The following ANKAR variants were observed in gnomAD, a reference collection of about 807,000 sequenced individuals.
The protein encoded by ANKAR is ankyrin and armadillo repeat-containing protein.
A neutral mutation model predicts 146.2 loss-of-function variants in ANKAR; 136 were observed. That is an observed-to-expected ratio of 0.93 (90% confidence interval 0.81 to 1.07). ANKAR has a LOEUF of 1.07. Among genes scored for constraint, ANKAR ranks in the 50% least tolerant of loss-of-function variants. The probability of loss-of-function intolerance (pLI) is 0.00; values close to 1 mark genes in which losing one functional copy is unlikely to be tolerated. For missense variants in ANKAR, 1,567 were observed against 1,679.9 expected, an observed-to-expected ratio of 0.93 and a Z score of 1.18; for synonymous variants, 500 against 575.8, an observed-to-expected ratio of 0.87 and a Z score of 1.88.
intron 22 of ANKAR, 117 bp from the exon 23 acceptor site, chr2:189,746,263 A>C: frequency 8.1e-7 from 1 of 1,241,718 alleles, no homozygotes; most frequent in Non-Finnish European, 1.1e-6. Context: ...GGAAGTACTG[A>C]TCTGTTCTCT....
chr2:189,709,059 C>A (rs774693657), intron 9 of ANKAR, among the ~76,000 whole-genome samples: 12 of 151,882 alleles, frequency 7.9e-5, no homozygotes, highest in Non-Finnish European at 1.2e-4. Context: ...CGAGATCGTG[C>A]CACTACAGTC....
Position 189,746,386 on chromosome 2 carries a change from A to C in ANKAR, c.4064A>C (p.Glu1355Ala). Residue 1355 changes from glutamate (E) to alanine (A), a missense_variant, in exon 23 of 23, where the codon GAG (glutamate) becomes GCG (alanine). By Grantham distance (107) the Glu-to-Ala change is moderately radical. Transcript: ENST00000684021. Reference protein sequence around the residue: ...SIIPIFKRGKEHRRKLKPKIQ... With the variant: ...SIIPIFKRGKAHRRKLKPKIQ... ...AATTGTGGCTAATTTTTAGGGAAGGAGCACCGAAGAAAATTAAAACCTAAA... is the reference window on the plus strand; with the variant it reads ...AATTGTGGCTAATTTTTAGGGAAGGCGCACCGAAGAAAATTAAAACCTAAA... 1 of 1,603,878 alleles carries C rather than the reference A, an allele frequency of 6.2e-7. No homozygotes were observed. The highest frequency in any genetic ancestry group is 8.5e-7 in the Non-Finnish European group (1 of 1,177,164).
At position 189,721,124 on chromosome 2, in the gene ANKAR, A is replaced by C. The variant is rs182996296; in HGVS notation, c.2635+337A>C. ...TGTCTTAGCCTCCTGAGTAGCTGGG[A>C]TTACAGGCATGCACCACCACGTCCG... On this transcript the variant is annotated intron_variant, in intron 12 of 22. Coordinates refer to ENST00000684021, the MANE Select transcript of ANKAR (RefSeq NM_001378068.1). 2.1e-3 allele frequency among the ~76,000 whole-genome samples: 325 copies of C among 152,156 alleles called. 2 individuals carry two copies. The highest frequency in any genetic ancestry group is 7.4e-3 in the African/African-American group (309 of 41,508).
chr2:189,705,197 G>A lies in ANKAR; in HGVS notation c.1883G>A (p.Ser628Asn), dbSNP rs765929667. 7.4e-6 allele frequency: 12 copies of A among 1,614,044 alleles called. No individual in the cohort carries two copies. Among genetic ancestry groups the A allele is most frequent in the Middle Eastern group, 1.7e-4 (1 of 6,056 alleles). ...ATTGCTCTCTGTAGGAAGGATCCTA[G>A]TTTGCTAGAAGCTGAGGCAACAGCT... Reference protein sequence around the residue: ...IIIALCRKDPSLLEAEATAEN... With the variant: ...IIIALCRKDPNLLEAEATAEN... The change falls in exon 8 of 23, where the codon AGT becomes AAT. Residue 628 changes from serine to asparagine, a missense_variant. By Grantham distance (46) the Ser-to-Asn change is conservative. Transcript: ENST00000684021.
chr2:189,759,783 T>C (rs1289525864), intron 18 of ANKAR, among the ~76,000 whole-genome samples: 5 of 152,186 alleles, frequency 3.3e-5, no homozygotes, highest in African/African-American at 1.2e-4. Flanking sequence ...TATTTATTGA[T>C]CATTCTTGGG....
chr2:189,701,601 A>G (rs536312761), intron 7 of ANKAR, among the ~76,000 whole-genome samples: 187 of 152,312 alleles, frequency 1.2e-3, no homozygotes, highest in African/African-American at 4.3e-3. Context: ...TAATCTCTTT[A>G]TAAGCTCATT....
At chr2:189,677,116 ATTTT>A (rs61285192) in intron 2 of ANKAR, 25 bp downstream of exon 2, 124 of 1,279,328 alleles carry the variant, frequency 9.7e-5, no homozygotes, top group South Asian at 1.7e-4. Flanking sequence ...CACTTCTTAA[ATTTT>A]TTTTTTTTTT....
intron 2 of ANKAR, among the ~76,000 whole-genome samples, chr2:189,680,724 G>T (rs558982391): frequency 6.6e-6 from 1 of 152,002 alleles, no homozygotes; most frequent in South Asian, 2.1e-4. Context: ...TTTCATTTCC[G>T]TGTGTTTATA....
intron 16 of ANKAR, 25 bp from the exon 17 acceptor site, chr2:189,733,072 AATTGAAAAGT>A: frequency 6.3e-7 from 1 of 1,582,500 alleles, no homozygotes; most frequent in South Asian, 1.2e-5. Context: ...CATAAAGCAT[AATTGAAAAGT>A]AATTTCTGAA....
Position 189,727,921 on chromosome 2 carries a change from G to C in ANKAR, c.2701G>C (p.Asp901His). 1.2e-6 allele frequency: 2 copies of C among 1,614,048 alleles called. No homozygotes were observed. The highest frequency in any genetic ancestry group is 8.5e-7 in the Non-Finnish European group (1 of 1,179,964). ...TGGGCGTGACAATAAGGAAATTCAG[G>C]ATGCTATAGCTATGGAGGGAGCGAT... is the stretch of plus-strand genomic sequence containing the variant. The part of the protein sequence containing the change: ...EVGRDNKEIQ[D>H]AIAMEGAIPP... Residue 901 changes from aspartate (D) to histidine (H), a missense_variant, in exon 13 of 23, where the codon GAT (aspartate) becomes CAT (histidine). Physicochemically the swap from Asp to His is moderately conservative, Grantham distance 81. Transcript: ENST00000684021.
chr2:189,688,917 A>C (rs1559063772), intron 2 of ANKAR, among the ~76,000 whole-genome samples: 1 of 138,806 alleles, frequency 7.2e-6, no homozygotes, highest in Non-Finnish European at 1.5e-5. Flanking sequence ...TACTGAAATC[A>C]GTCTCTTGTC....
intron 9 of ANKAR, among the ~76,000 whole-genome samples, chr2:189,709,867 A>G (rs2039456368): frequency 2.6e-5 from 4 of 152,236 alleles, no homozygotes. Flanking sequence ...CCTTAATAGT[A>G]GGAAGCTCTG....
At chr2:189,726,775 G>A (rs2041923651) in intron 12 of ANKAR, among the ~76,000 whole-genome samples, 1 of 152,070 alleles carries the variant, frequency 6.6e-6, no homozygotes, top group Non-Finnish European at 1.5e-5. Flanking sequence ...TAAAAGGATA[G>A]GCTTGTTTTT....
chr2:189,725,623 A>G (rs1225082), intron 12 of ANKAR, among the ~76,000 whole-genome samples: 151,152 of 152,352 alleles, frequency 0.99, 74,990 homozygotes, highest in Middle Eastern at 1. Context: ...AAGTAAGAAA[A>G]TACACCGGGC....
At chr2:189,729,663 AG>A (rs1275109110) in intron 15 of ANKAR, among the ~76,000 whole-genome samples, 1 of 91,730 alleles carries the variant, frequency 1.1e-5, no homozygotes, top group Non-Finnish European at 2.7e-5. Flanking sequence ...TCTTCGCATT[AG>A]TTCATTTCAA....
At chr2:189,677,184 C>T (rs2105719893) in intron 2 of ANKAR, 93 bp downstream of exon 2, 1 of 1,301,182 alleles carries the variant, frequency 7.7e-7, no homozygotes, top group African/African-American at 1.5e-5. Flanking sequence ...CCCCTGAGCT[C>T]AAGCCATTCA....
chr2:189,707,130 G>T lies in ANKAR; in HGVS notation c.2103G>T (p.Val701=). The part of the protein sequence containing the change: ...IIKLNIPELP[V]WKTLVEMLQC... ...AATTAAATATTCCTGAACTCCCAGTGTGGAAAACTTTGGTAGGTGAGTATA... is the reference window on the plus strand; with the variant it reads ...AATTAAATATTCCTGAACTCCCAGTTTGGAAAACTTTGGTAGGTGAGTATA... The change falls in exon 9 of 23, where the codon GTG becomes GTT. Residue 701 remains valine, a synonymous_variant. Coordinates refer to ENST00000684021, the MANE Select transcript of ANKAR (RefSeq NM_001378068.1). 1 of 1,534,962 alleles carries T rather than the reference G, an allele frequency of 6.5e-7. No homozygotes were observed. The highest frequency in any genetic ancestry group is 8.8e-7 in the Non-Finnish European group (1 of 1,140,308).
At position 189,728,763 on chromosome 2, in the gene ANKAR, T is replaced by C. The variant is rs1471607035; in HGVS notation, c.3135T>C (p.Ser1045=). 6.2e-7 allele frequency: 1 copy of C among 1,614,086 alleles called. No individual in the cohort carries two copies. The highest frequency in any genetic ancestry group is 1.1e-5 in the South Asian group (1 of 91,084). Residue 1045 remains serine (S), a synonymous_variant, in exon 15 of 23, where the codon AGT becomes AGC. Transcript: ENST00000684021. ...IAPLVRLLRI[S]TIAEGTLLSV... ...CATTGGTTCGCTTACTAAGAATTAG[T>C]ACGATTGCTGAAGGCACACTTCTCA... is the stretch of plus-strand genomic sequence containing the variant.
downstream of ANKAR, chr2:189,762,651 G>A (rs1325684566): frequency 5.1e-6 from 5 of 985,292 alleles, no homozygotes; most frequent in Non-Finnish European, 6.0e-6. Flanking sequence ...GCGCAAAAGC[G>A]TCAGTGGGGT....
Sources: allele counts gnomAD v4.1 joint callset (sites outside exome capture counted in the v4.1 genomes callset), GRCh38; gene constraint gnomAD v4.1.1; transcripts MANE v1.5; gene names NCBI Gene and HGNC (gene_info 2026-07-23, HGNC 2026-07-21).